UGT1A10: variants seen among roughly 807,000 people sequenced by gnomAD.
UGT1A10 encodes the protein UDP glucuronosyltransferase family 1 member A10.
A neutral mutation model predicts 45.8 loss-of-function variants in UGT1A10; 49 were observed. The ratio of observed to expected loss-of-function variants is 1.07; its 90% CI spans 0.85 to 1.36. The LOEUF is 1.36. Ranked by LOEUF, UGT1A10 falls within the 40% of genes most tolerant of loss-of-function variation. The pLI is 0.00. For missense variants in UGT1A10, 745 were observed against 668.6 expected (o/e 1.11, Z -1.26); for synonymous variants, 284 against 249.7 (o/e 1.14, Z -1.29).
chr2:233,677,565 CAT>C (rs1413682224), intron 1 of UGT1A10, among the ~76,000 whole-genome samples: 2 of 151,996 alleles, frequency 1.3e-5, no homozygotes, highest in African/African-American at 4.8e-5. Context: ...AAAAACGTAA[CAT>C]ATGAAAAAAT....
intron 1 of UGT1A10, among the ~76,000 whole-genome samples, chr2:233,643,005 C>A (rs994161644): frequency 6.6e-6 from 1 of 152,198 alleles, no homozygotes; most frequent in Non-Finnish European, 1.5e-5. Flanking sequence ...AGACCTGAAA[C>A]CAGCACAGCT....
At chr2:233,694,300 T>G (rs1423293480) in intron 1 of UGT1A10, among the ~76,000 whole-genome samples, 1 of 151,018 alleles carries the variant, frequency 6.6e-6, no homozygotes, top group East Asian at 1.9e-4. Flanking sequence ...AAGGCCTGTT[T>G]TTTGTTTTTT....
chr2:233,644,762 G>C lies in UGT1A10; in HGVS notation c.855+7385G>C, dbSNP rs560588403. Among the ~76,000 whole-genome samples, 6 of 152,134 alleles carry C rather than the reference G, an allele frequency of 3.9e-5. No individual in the cohort carries two copies. In the South Asian group the frequency reaches 8.3e-4, roughly 21 times the overall value. On this transcript the variant is annotated intron_variant, in intron 1 of 4. Coordinates refer to ENST00000344644, the MANE Select transcript of UGT1A10 (RefSeq NM_019075.4). ...GTTCAGGGGGTTGGGTGACATAGGA[G>C]ATGCAGAACTTTTTTTTTTCTATTT...
intron 1 of UGT1A10, among the ~76,000 whole-genome samples, chr2:233,677,078 C>G (rs192568371): frequency 2.3e-4 from 35 of 151,888 alleles, no homozygotes; most frequent in African/African-American, 8.0e-4. Context: ...TTAATGTGTG[C>G]AAAAATCCTG....
Position 233,772,527 on chromosome 2 carries a change from G to C in UGT1A10, c.1561G>C (p.Val521Leu), listed in dbSNP as rs769084242. The part of the protein sequence containing the change: ...YRKCLGKKGR[V>L]KKAHKSKTH ...GAAATGCTTGGGGAAAAAAGGGCGA[G>C]TTAAGAAAGCCCACAAATCCAAGAC... Residue 521 changes from valine to leucine, a missense_variant, in exon 5 of 5, where the codon GTT (valine) becomes CTT (leucine). Physicochemically the swap from Val to Leu is conservative, Grantham distance 32 (BLOSUM62 1). Coordinates refer to ENST00000344644, the MANE Select transcript of UGT1A10 (RefSeq NM_019075.4). The C allele has an allele frequency of 1.9e-6, 3 of 1,614,046 alleles. No homozygotes were observed. The highest frequency in any genetic ancestry group is 1.6e-4 in the Middle Eastern group (1 of 6,084).
chr2:233,718,731 G>A lies in UGT1A10; in HGVS notation c.856-48303G>A, dbSNP rs1001779280. On this transcript the variant is annotated intron_variant, in intron 1 of 4. Transcript: ENST00000344644. ...CCAATTACATGCTGATTTGCTAGGT[G>A]GCTCAATGACAAGGTAATTAAGGCG... 17 of 1,611,218 alleles carry A rather than the reference G, an allele frequency of 1.1e-5. No homozygotes were observed. In the Admixed American group the frequency reaches 2.7e-4, roughly 25 times the overall value.
At chr2:233,641,857 C>T (rs572016752) in intron 1 of UGT1A10, among the ~76,000 whole-genome samples, 2 of 152,162 alleles carry the variant, frequency 1.3e-5, no homozygotes, top group Non-Finnish European at 2.9e-5. Flanking sequence ...AAGGGTTCCA[C>T]TGAAAAGGCT....
intron 1 of UGT1A10, among the ~76,000 whole-genome samples, chr2:233,725,945 T>C (rs1167076950): frequency 1.3e-5 from 2 of 152,170 alleles, no homozygotes; most frequent in Non-Finnish European, 2.9e-5. Flanking sequence ...GCAGGAGGAT[T>C]GTTTGAGCCC....
At position 233,688,334 on chromosome 2, in the gene UGT1A10, C is replaced by T. The variant is rs1408140976; in HGVS notation, c.855+50957C>T. Among the ~76,000 whole-genome samples, 4 of 152,262 alleles carry T rather than the reference C, an allele frequency of 2.6e-5. No individual in the cohort carries two copies. The East Asian group carries it at 5.8e-4, about 22-fold the overall frequency. On this transcript the variant is annotated intron_variant, in intron 1 of 4. Coordinates refer to ENST00000344644, the MANE Select transcript of UGT1A10 (RefSeq NM_019075.4). ...CAGTTGGTGGACATTTGGGTTGTTT[C>T]CCATTTTCAGCCATGAAAAATAATG...
At position 233,647,806 on chromosome 2, in the gene UGT1A10, A is replaced by G. The variant is rs6755418; in HGVS notation, c.855+10429A>G. 6.1e-3 allele frequency: 4,692 copies of G among 764,334 alleles called. 168 individuals are homozygous for G. The African/African-American group carries it at 0.073, about 12-fold the overall frequency. 47.3% of individuals were successfully genotyped at this position (764,334 alleles called of 1,614,324 possible). ...AATCAGTCTGGGTAGAGATTTATCA[A>G]GTTAATTGATTTGCCCCAAAAGCTA... is the stretch of plus-strand genomic sequence containing the variant. On this transcript the variant is annotated intron_variant, in intron 1 of 4. Coordinates refer to ENST00000344644, the MANE Select transcript of UGT1A10 (RefSeq NM_019075.4).
chr2:233,765,740 C>T (rs951696953), intron 1 of UGT1A10, among the ~76,000 whole-genome samples: 1 of 147,868 alleles, frequency 6.8e-6, no homozygotes, highest in African/African-American at 2.5e-5. Context: ...TAAATAAACC[C>T]ATAAAGCCAT....
At chr2:233,648,209 G>A (rs372999520) in intron 1 of UGT1A10, 17 of 701,782 alleles carry the variant, frequency 2.4e-5, no homozygotes, top group African/African-American at 2.2e-4. Flanking sequence ...CATTGCAGGA[G>A]TTTGTTTAAT....
intron 1 of UGT1A10, among the ~76,000 whole-genome samples, chr2:233,730,228 A>C (rs1452253357): frequency 2.0e-5 from 3 of 152,146 alleles, no homozygotes; most frequent in East Asian, 3.9e-4. Flanking sequence ...TTGTAAAAGG[A>C]TGGACAAGGA....
chr2:233,729,414 C>T (rs1422584359), intron 1 of UGT1A10: 3 of 1,613,716 alleles, frequency 1.9e-6, no homozygotes, highest in Non-Finnish European at 2.5e-6. Context: ...TGCTGGGCCA[C>T]ACTCAACTGT....
At chr2:233,654,884 G>A (rs2073821727) in intron 1 of UGT1A10, among the ~76,000 whole-genome samples, 1 of 152,186 alleles carries the variant, frequency 6.6e-6, no homozygotes, top group Non-Finnish European at 1.5e-5. Context: ...CTGAGGTCAG[G>A]AGTTCGAGAT....
Position 233,728,224 on chromosome 2 carries a change from T to A in UGT1A10, c.856-38810T>A, listed in dbSNP as rs556375037. Among the ~76,000 whole-genome samples, 261 of 152,314 alleles carry A rather than the reference T, an allele frequency of 1.7e-3. 4 individuals are homozygous for A. The highest frequency in any genetic ancestry group is 5.7e-4 in the Non-Finnish European group (39 of 68,034). On this transcript the variant is annotated intron_variant, in intron 1 of 4. Coordinates refer to ENST00000344644, the MANE Select transcript of UGT1A10 (RefSeq NM_019075.4). ...GACTTGGAGAAGAGCCTGACCATAA[T>A]CTTCAGGATGAAATAAAGGCCTGGA...
At chr2:233,646,691 C>T (rs1043928412) in intron 1 of UGT1A10, among the ~76,000 whole-genome samples, 1 of 152,192 alleles carries the variant, frequency 6.6e-6, no homozygotes, top group South Asian at 2.1e-4. Context: ...TTTGAAACCA[C>T]CTCAGTCTGG....
intron 1 of UGT1A10, among the ~76,000 whole-genome samples, chr2:233,642,765 T>C (rs1167584116): frequency 6.6e-6 from 1 of 152,252 alleles, no homozygotes; most frequent in African/African-American, 2.4e-5. Context: ...TCTTGCAGAC[T>C]TGTAGATGTA....
chr2:233,673,256 C>T (rs1575417091), intron 1 of UGT1A10, among the ~76,000 whole-genome samples: 2 of 152,100 alleles, frequency 1.3e-5, no homozygotes, highest in African/African-American at 4.8e-5. Flanking sequence ...CTTTTCTTTG[C>T]ATTTTTCACT....
Sources: gnomAD v4.1 joint callset for allele counts (sites outside exome capture counted in the v4.1 genomes callset) on GRCh38, gnomAD v4.1.1 for gene constraint, MANE v1.5 for transcripts, NCBI Gene and HGNC (gene_info 2026-07-23, HGNC 2026-07-21) for gene names.